RHOT1: variants seen among roughly 807,000 people sequenced by gnomAD.
RHOT1 encodes the protein mitochondrial Rho GTPase 1.
RHOT1 carries 27 observed loss-of-function variants against 95.3 expected under a neutral mutation model. The observed-to-expected ratio is 0.28, with a 90% CI of 0.21 to 0.39. The LOEUF (loss-of-function observed/expected upper bound fraction) is 0.39. Among genes scored for constraint, RHOT1 ranks in the 10% least tolerant of loss-of-function variants. The pLI, the probability that RHOT1 is intolerant of heterozygous loss-of-function variation, is 1.00. For missense variants in RHOT1, 578 were observed against 786.7 expected, an observed-to-expected ratio of 0.73 and a Z score of 3.17; for synonymous variants, 227 against 263.5, an observed-to-expected ratio of 0.86 and a Z score of 1.34.
In RHOT1 at chr17:32,171,103, TA is replaced by T; in HGVS notation, c.96+5del. The T allele has an allele frequency of 6.3e-7, 1 of 1,575,964 alleles. No individual in the cohort carries two copies. The highest frequency in any genetic ancestry group is 1.8e-5 in the Admixed American group (1 of 57,086). On this transcript the variant is annotated splice_donor_region_variant and intron_variant, in intron 2 of 19. Transcript: ENST00000545287. ...GTCAGTGAAGAATTTCCAGAAGAGG[TA>T]AACATTTTGATTTCCATATTTAAAT...
chr17:32,206,966 T>C lies in RHOT1; in HGVS notation c.1473T>C (p.Val491=), dbSNP rs745562016. Residue 491 remains valine, a synonymous_variant, in exon 17 of 20, where the codon GTT becomes GTC. Coordinates refer to ENST00000545287, the MANE Select transcript of RHOT1 (RefSeq NM_001033566.3). ...FLTEAEIICD[V]VCLVYDVSNP... ...CTGAAGCTGAAATCATTTGTGATGT[T>C]GTATGCCTGGTATATGATGTCAGCA... 25 of 1,611,320 alleles carry C rather than the reference T, an allele frequency of 1.6e-5. No homozygotes were observed. Among genetic ancestry groups the C allele is most frequent in the Non-Finnish European group, 2.0e-5 (23 of 1,177,966 alleles).
At chr17:32,171,386 A>G (rs1006792408) in intron 2 of RHOT1, among the ~76,000 whole-genome samples, 17 of 152,212 alleles carry the variant, frequency 1.1e-4, no homozygotes, top group Admixed American at 3.3e-4. Context: ...GTGCCCTGCC[A>G]GTTGAGACTT....
chr17:32,151,476 A>G, intron 1 of RHOT1: 1 of 612,888 alleles, frequency 1.6e-6, no homozygotes, highest in Non-Finnish European at 3.0e-6. Flanking sequence ...GAGTCTAGCT[A>G]GGGATTCTCT....
At chr17:32,142,772 C>T (rs764375568) in intron 1 of RHOT1, 43 bp downstream of exon 1, 41 of 1,469,482 alleles carry the variant, frequency 2.8e-5, no homozygotes, top group East Asian at 2.5e-5. Flanking sequence ...CCCTGCCCTC[C>T]CTGCCCCTGC....
intron 1 of RHOT1, among the ~76,000 whole-genome samples, chr17:32,166,318 C>T (rs2034083991): frequency 6.6e-6 from 1 of 152,020 alleles, no homozygotes; most frequent in Non-Finnish European, 1.5e-5. Flanking sequence ...ATCATCTGAG[C>T]CTTCAGTGAG....
At chr17:32,150,989 T>A in intron 1 of RHOT1, 2 of 1,540,376 alleles carry the variant, frequency 1.3e-6, no homozygotes, top group South Asian at 2.4e-5. Flanking sequence ...CTGCTTCAAT[T>A]TGAATCGCCG....
At chr17:32,151,879 CT>C (rs2032344335) in intron 1 of RHOT1, among the ~76,000 whole-genome samples, 1 of 112,944 alleles carries the variant, frequency 8.9e-6, no homozygotes, top group Non-Finnish European at 1.6e-5. Context: ...GAGACTCCGT[CT>C]CAAAAAAAAA....
intron 14 of RHOT1, among the ~76,000 whole-genome samples, chr17:32,202,260 C>T (rs1049543069): frequency 6.6e-6 from 1 of 152,264 alleles, no homozygotes; most frequent in African/African-American, 2.4e-5. Flanking sequence ...CCCTATGATA[C>T]AGCATTGTTT....
At chr17:32,154,020 G>A (rs757685921) in intron 1 of RHOT1, among the ~76,000 whole-genome samples, 2 of 150,052 alleles carry the variant, frequency 1.3e-5, no homozygotes, top group African/African-American at 5.0e-5. Context: ...GAAAAATCAG[G>A]GGACAGGCGT....
chr17:32,195,608 A>G (rs1419766800), intron 11 of RHOT1, among the ~76,000 whole-genome samples: 2 of 152,134 alleles, frequency 1.3e-5, no homozygotes, highest in African/African-American at 2.4e-5. Context: ...TCATTGGCAC[A>G]TTACCTTCAT....
chr17:32,208,504 T>A, intron 18 of RHOT1, 195 bp downstream of exon 18: 1 of 576,778 alleles, frequency 1.7e-6, no homozygotes, highest in East Asian at 2.9e-5. Flanking sequence ...ACAGTGCTTC[T>A]GACAATATCT....
At chr17:32,181,531 T>G (rs2035631665) in intron 6 of RHOT1, among the ~76,000 whole-genome samples, 1 of 152,228 alleles carries the variant, frequency 6.6e-6, no homozygotes, top group Non-Finnish European at 1.5e-5. Flanking sequence ...TTTTTAAAAT[T>G]TTCACTAAGA....
intron 15 of RHOT1, 156 bp from the exon 16 acceptor site, chr17:32,203,732 AAC>A (rs2037497139): frequency 1.7e-6 from 1 of 574,322 alleles, no homozygotes; most frequent in Non-Finnish European, 3.0e-6. Context: ...AGAACTAAGA[AAC>A]ATAAAATCAA....
intron 1 of RHOT1, among the ~76,000 whole-genome samples, chr17:32,163,492 G>A (rs1427294287): frequency 1.3e-5 from 2 of 152,154 alleles, no homozygotes; most frequent in African/African-American, 4.8e-5. Flanking sequence ...CAGCATTTTG[G>A]GAGGCCAAGG....
intron 2 of RHOT1, 84 bp from the exon 3 acceptor site, chr17:32,173,747 A>G (rs933552310): frequency 2.2e-6 from 2 of 896,718 alleles, no homozygotes; most frequent in South Asian, 1.5e-5. Flanking sequence ...CAACCTGTGT[A>G]GATAAATTTA....
intron 1 of RHOT1, chr17:32,159,997 C>G (rs2033382825): frequency 6.6e-6 from 1 of 152,320 alleles, no homozygotes; most frequent in Admixed American, 6.5e-5. Context: ...CACTCTTCTT[C>G]CCCTCTGAGG....
At chr17:32,143,228 A>T (rs2030705369) in intron 1 of RHOT1, 1 of 388,116 alleles carries the variant, frequency 2.6e-6, no homozygotes, top group African/African-American at 2.1e-5. Context: ...GGGGTGCAGA[A>T]CTATTCGACT....
intron 10 of RHOT1, among the ~76,000 whole-genome samples, chr17:32,193,725 CTT>C (rs2036665173): frequency 6.6e-6 from 1 of 152,138 alleles, no homozygotes; most frequent in Admixed American, 6.5e-5. Flanking sequence ...TCTCATATAA[CTT>C]TGTGCATGTC....
At chr17:32,149,591 C>CTATATATATATATATATATATA (rs1162059092) in intron 1 of RHOT1, among the ~76,000 whole-genome samples, 1 of 52,680 alleles carries the variant, frequency 1.9e-5, no homozygotes, top group Non-Finnish European at 4.3e-5. Context: ...CCCAGCAGTT[C>CTATATATATATATATATATATA]TATATATATA....
Sources: allele counts gnomAD v4.1 joint callset (sites outside exome capture counted in the v4.1 genomes callset), GRCh38; gene constraint gnomAD v4.1.1; transcripts MANE v1.5; gene names NCBI Gene and HGNC (gene_info 2026-07-23, HGNC 2026-07-21).